The following PBX4 variants were observed in gnomAD, a reference collection of about 807,000 sequenced individuals.
The protein encoded by PBX4 is pre-B-cell leukemia transcription factor 4.
PBX4 carries 26 observed loss-of-function variants against 35.1 expected under a neutral mutation model. The ratio of observed to expected loss-of-function variants is 0.74; its 90% CI spans 0.54 to 1.03. PBX4 has a LOEUF of 1.03. PBX4 is among the 50% of genes least tolerant of loss of function. The probability of loss-of-function intolerance (pLI) is 0.00; values close to 1 mark genes in which losing one functional copy is unlikely to be tolerated. For missense variants in PBX4, 448 were observed against 504.3 expected (o/e 0.89, Z 1.07); for synonymous variants, 199 against 204.2 (o/e 0.97, Z 0.22).
intron 1 of PBX4, among the ~76,000 whole-genome samples, chr19:19,617,504 G>A (rs1034664070): frequency 1.3e-5 from 2 of 151,704 alleles, no homozygotes; most frequent in Non-Finnish European, 2.9e-5. Context: ...GGTTGGTCTC[G>A]AACTCCTGAG....
chr19:19,588,464 A>G (rs999949854), intron 2 of PBX4: 2 of 818,578 alleles, frequency 2.4e-6, no homozygotes, highest in East Asian at 3.0e-5. Flanking sequence ...TTTTTAGTAG[A>G]GACAGGGTTT....
intron 1 of PBX4, among the ~76,000 whole-genome samples, chr19:19,610,284 G>C (rs747271708): frequency 1.3e-5 from 2 of 152,158 alleles, no homozygotes; most frequent in East Asian, 1.9e-4. Context: ...GTGGTGGCAC[G>C]TGCCTGGAAT....
chr19:19,613,589 C>A (rs2061674183), intron 1 of PBX4, among the ~76,000 whole-genome samples: 1 of 151,994 alleles, frequency 6.6e-6, no homozygotes, highest in East Asian at 1.9e-4. Flanking sequence ...TGAGGAAGGC[C>A]ACATCTGAGC....
chr19:19,564,327 A>G (rs1354692338), intron 6 of PBX4, among the ~76,000 whole-genome samples: 3 of 151,406 alleles, frequency 2.0e-5, no homozygotes, highest in Non-Finnish European at 2.9e-5. Context: ...TGAACTCATC[A>G]TTTTTTATGG....
chr19:19,599,291 C>T lies in PBX4; in HGVS notation c.193+1G>A. On this transcript the variant is annotated splice_donor_variant, in intron 2 of 7. Transcript: ENST00000251203. LOFTEE classifies it high-confidence loss of function. ...CAGAAAGTGTCTTCTAAACAGCCTA[C>T]CTGTCTTTTCCTTGATCTCACAGAG... 10 of 1,610,984 alleles carry T rather than the reference C, an allele frequency of 6.2e-6. No individual in the cohort carries two copies. The highest frequency in any genetic ancestry group is 8.5e-6 in the Non-Finnish European group (10 of 1,177,866).
intron 1 of PBX4, among the ~76,000 whole-genome samples, chr19:19,614,029 T>G (rs1177225103): frequency 6.6e-6 from 1 of 152,104 alleles, no homozygotes; most frequent in Non-Finnish European, 1.5e-5. Flanking sequence ...TAGCACCTGG[T>G]ACAATGCTCC....
At chr19:19,567,828 T>C (rs1005889825) in intron 5 of PBX4, among the ~76,000 whole-genome samples, 1 of 148,708 alleles carries the variant, frequency 6.7e-6, no homozygotes, top group African/African-American at 2.5e-5. Context: ...CTCCACAGCA[T>C]CCCCCAGGGA....
In PBX4 at chr19:19,562,354, G is replaced by A. The variant is rs1039430365; in HGVS notation, c.1033-237C>T. ...TCCCCGGCAGGAAAACTGGCCTCTAGTGGCTTCCCTGGGGCTTAGGCAAAG... is the reference window on the plus strand; with the variant it reads ...TCCCCGGCAGGAAAACTGGCCTCTAATGGCTTCCCTGGGGCTTAGGCAAAG... On this transcript the variant is annotated intron_variant, in intron 7 of 7. Coordinates refer to ENST00000251203, the MANE Select transcript of PBX4 (RefSeq NM_025245.3). This position sits in a 1 kb window ranked among gnomAD's most constrained non-coding sequence, Gnocchi z 4.8. 2.0e-5 allele frequency among the ~76,000 whole-genome samples: 3 copies of A among 152,220 alleles called. No individual in the cohort carries two copies. The highest frequency in any genetic ancestry group is 7.2e-5 in the African/African-American group (3 of 41,462).
intron 2 of PBX4, among the ~76,000 whole-genome samples, chr19:19,585,689 GCC>G (rs2061484560): frequency 6.6e-6 from 1 of 152,142 alleles, no homozygotes; most frequent in South Asian, 2.1e-4. Flanking sequence ...ATTTGTTTCT[GCC>G]CCACCCTAAC....
At chr19:19,605,476 A>G (rs2061625317) in intron 1 of PBX4, among the ~76,000 whole-genome samples, 1 of 140,156 alleles carries the variant, frequency 7.1e-6, no homozygotes, top group South Asian at 2.3e-4. Context: ...CAAAAAGTAA[A>G]TTATCTGGGT....
At chr19:19,582,972 G>C (rs950094046) in intron 2 of PBX4, among the ~76,000 whole-genome samples, 4 of 152,204 alleles carry the variant, frequency 2.6e-5, no homozygotes, top group African/African-American at 9.6e-5. Context: ...TGTTTCACCC[G>C]GGCTCCGGGA....
At chr19:19,605,998 G>T (rs2061628919) in intron 1 of PBX4, among the ~76,000 whole-genome samples, 2 of 152,114 alleles carry the variant, frequency 1.3e-5, no homozygotes, top group Non-Finnish European at 2.9e-5. Context: ...GCATGTCTTT[G>T]AGCTAGCAGT....
At chr19:19,599,446 A>G in intron 1 of PBX4, 81 bp from the exon 2 acceptor site, 1 of 1,284,696 alleles carries the variant, frequency 7.8e-7, no homozygotes. Context: ...TTCCATACTG[A>G]GAAATCAAAC....
intron 1 of PBX4, among the ~76,000 whole-genome samples, chr19:19,614,669 C>T (rs951716203): frequency 6.6e-6 from 1 of 151,894 alleles, no homozygotes; most frequent in African/African-American, 2.4e-5. Context: ...CTCAAAAAAA[C>T]CCAAACCAAA....
intron 1 of PBX4, among the ~76,000 whole-genome samples, chr19:19,605,490 G>A (rs571140524): frequency 6.6e-6 from 1 of 150,542 alleles, no homozygotes; most frequent in Non-Finnish European, 1.5e-5. Flanking sequence ...TCTGGGTTTG[G>A]TGGCACATGC....
rs549215325 is a variant in PBX4 at position 19,567,757 on chromosome 19, C to G, written c.768+1692G>C. On this transcript the variant is annotated intron_variant, in intron 5 of 7. Transcript: ENST00000251203. ...TTCCACAGAGGACACTGGTGGCTGC[C>G]TACCAGGCTATAGAGTCAGGGAGCT... Among the ~76,000 whole-genome samples the G allele has an allele frequency of 3.3e-5, 5 of 152,272 alleles. No individual in the cohort carries two copies. The East Asian group carries it at 7.7e-4, about 23-fold the overall frequency.
intron 2 of PBX4, chr19:19,588,135 T>G (rs1442400815): frequency 1.8e-6 from 2 of 1,128,886 alleles, no homozygotes; most frequent in Non-Finnish European, 2.7e-6. Flanking sequence ...GAAGAGGTCT[T>G]AGAGCTCCCC....
rs566141810 is a variant in PBX4, at chr19:19,593,813, G to T, written c.193+5479C>A. ...GCTCTGAGCCCTGCAGCGGCCTTGGGACTCAGCTTGGAGGAATCAAAAGTC... is the reference window on the plus strand; with the variant it reads ...GCTCTGAGCCCTGCAGCGGCCTTGGTACTCAGCTTGGAGGAATCAAAAGTC... On this transcript the variant is annotated intron_variant, in intron 2 of 7. Transcript: ENST00000251203. Among the ~76,000 whole-genome samples the T allele has an allele frequency of 2.0e-5, 3 of 152,250 alleles. No individual in the cohort carries two copies. In the South Asian group the frequency reaches 6.2e-4, roughly 32 times the overall value.
chr19:19,587,706 G>GT (rs1481606065), intron 2 of PBX4, among the ~76,000 whole-genome samples: 1 of 150,154 alleles, frequency 6.7e-6, no homozygotes, highest in Non-Finnish European at 1.5e-5. Flanking sequence ...GCAAGAACAT[G>GT]TTTTCCACTG....
Sources: allele counts gnomAD v4.1 joint callset (sites outside exome capture counted in the v4.1 genomes callset), GRCh38; gene constraint gnomAD v4.1.1; non-coding constraint Gnocchi (gnomAD v3.1); transcripts MANE v1.5; gene names NCBI Gene and HGNC (gene_info 2026-07-23, HGNC 2026-07-21).